The following CD38 variants were observed in gnomAD, a reference collection of about 807,000 sequenced individuals.
The protein encoded by CD38 is ADP-ribosyl cyclase/cyclic ADP-ribose hydrolase 1.
Under a neutral mutation model 36.3 loss-of-function variants are expected in CD38, and 31 were observed. The observed-to-expected ratio is 0.85, with a 90% CI of 0.64 to 1.15. CD38 has a LOEUF of 1.15. Ranked by LOEUF, CD38 falls within the 50% of genes most tolerant of loss-of-function variation. The pLI is 0.00. For synonymous variants in CD38, 131 were observed against 135.2 expected, an observed-to-expected ratio of 0.97 and a Z score of 0.22; for missense variants, 380 against 371.9, an observed-to-expected ratio of 1.02 and a Z score of -0.18.
chr4:15,824,231 C>T (rs1248160170), intron 2 of CD38, among the ~76,000 whole-genome samples: 2 of 152,064 alleles, frequency 1.3e-5, no homozygotes, highest in African/African-American at 4.8e-5. Context: ...TTAATAGGTG[C>T]AGCAAACCCA....
chr4:15,779,032 C>G (rs1375082485), intron 1 of CD38, among the ~76,000 whole-genome samples: 3 of 152,248 alleles, frequency 2.0e-5, no homozygotes, highest in East Asian at 1.9e-4. Flanking sequence ...CTCGCAGATG[C>G]AGGGTGTCGC....
intron 1 of CD38, among the ~76,000 whole-genome samples, chr4:15,785,016 A>G (rs1722781136): frequency 6.6e-6 from 1 of 151,784 alleles, no homozygotes; most frequent in Non-Finnish European, 1.5e-5. Flanking sequence ...AGCTCACGCC[A>G]CTACACTCCA....
chr4:15,783,536 CT>C (rs1048221053), intron 1 of CD38, among the ~76,000 whole-genome samples: 4 of 152,186 alleles, frequency 2.6e-5, no homozygotes, highest in African/African-American at 9.7e-5. Context: ...ATTTTATTCA[CT>C]TCTGCATCTC....
At chr4:15,828,311 C>T (rs72616180) in intron 3 of CD38, among the ~76,000 whole-genome samples, 7,824 of 152,210 alleles carry the variant, frequency 0.051, 293 homozygotes, top group East Asian at 0.18. Flanking sequence ...CCACCAGGCC[C>T]GACCTCAAAT....
At chr4:15,784,197 AC>A (rs1401449883) in intron 1 of CD38, among the ~76,000 whole-genome samples, 6 of 152,246 alleles carry the variant, frequency 3.9e-5, no homozygotes, top group Non-Finnish European at 8.8e-5. Context: ...CCCCTATCAA[AC>A]AAGAAAGACT....
rs1560303825 is a variant in CD38 at position 15,780,532 on chromosome 4, A to ACACACACACACACACACACACG, written c.233+1906_233+1907insGCACACACACACACACACACAC. On this transcript the variant is annotated intron_variant, in intron 1 of 7. Coordinates refer to ENST00000226279, the MANE Select transcript of CD38 (RefSeq NM_001775.4). The stretch of plus-strand genomic sequence containing the variant: ...TATTCTCTCTCTCACACACACACAC[A>ACACACACACACACACACACACG]CACACACACACACACACACACACAC... Among the ~76,000 whole-genome samples the ACACACACACACACACACACACG allele has an allele frequency of 4.8e-3, 696 of 145,732 alleles. 9 individuals are homozygous for ACACACACACACACACACACACG. The highest frequency in any genetic ancestry group is 0.016 in the African/African-American group (622 of 38,220).
At position 15,778,439 on chromosome 4, in the gene CD38, G is replaced by A. The variant is rs757244051; in HGVS notation, c.25G>A (p.Val9Met). The change falls in exon 1 of 8, where the codon GTG (valine) becomes ATG (methionine). Residue 9 changes from valine (V) to methionine (M), a missense_variant. By Grantham distance (21) the Val-to-Met change is conservative (BLOSUM62 1). Transcript: ENST00000226279. The surrounding 1 kb of genome is among the most constrained non-coding windows in gnomAD (Gnocchi z 4.9). The stretch of plus-strand genomic sequence containing the variant: ...TATGGCCAACTGCGAGTTCAGCCCG[G>A]TGTCCGGGGACAAACCCTGCTGCCG... MANCEFSP[V>M]SGDKPCCRLS... is the part of the protein sequence containing the mutation. The A allele has an allele frequency of 3.1e-6, 5 of 1,613,918 alleles. No homozygotes were observed. The highest frequency in any genetic ancestry group is 4.2e-6 in the Non-Finnish European group (5 of 1,179,988).
chr4:15,842,285 C>A (rs1465984166), intron 7 of CD38, among the ~76,000 whole-genome samples: 3 of 136,920 alleles, frequency 2.2e-5, no homozygotes, highest in East Asian at 4.3e-4. Flanking sequence ...GGGAGGCACC[C>A]CCCAGCAGGG....
At chr4:15,810,027 A>C (rs1022033116) in intron 1 of CD38, among the ~76,000 whole-genome samples, 22 of 152,110 alleles carry the variant, frequency 1.4e-4, no homozygotes, top group African/African-American at 5.1e-4. Context: ...CATTTTCTCT[A>C]ATTTGTAGGG....
chr4:15,801,046 C>T (rs1332369277), intron 1 of CD38, among the ~76,000 whole-genome samples: 1 of 151,658 alleles, frequency 6.6e-6, no homozygotes, highest in Non-Finnish European at 1.5e-5. Context: ...CTAAGCATTA[C>T]CTAGACTAAC....
intron 1 of CD38, among the ~76,000 whole-genome samples, chr4:15,782,507 G>A (rs1722721905): frequency 6.6e-6 from 1 of 152,046 alleles, no homozygotes; most frequent in Non-Finnish European, 1.5e-5. Context: ...AGGGACTTTT[G>A]TTTAATGATA....
At chr4:15,790,005 G>T (rs534902387) in intron 1 of CD38, among the ~76,000 whole-genome samples, 1 of 152,134 alleles carries the variant, frequency 6.6e-6, no homozygotes, top group African/African-American at 2.4e-5. Flanking sequence ...TCTTAGCAAA[G>T]ACCTAAAGAA....
At chr4:15,821,525 A>G (rs1252349675) in intron 2 of CD38, among the ~76,000 whole-genome samples, 5 of 151,938 alleles carry the variant, frequency 3.3e-5, no homozygotes, top group Non-Finnish European at 7.4e-5. Context: ...AAATACAAAC[A>G]ACCATCAGAG....
chr4:15,797,444 C>T (rs750154026), intron 1 of CD38, among the ~76,000 whole-genome samples: 2 of 152,200 alleles, frequency 1.3e-5, no homozygotes, highest in East Asian at 1.9e-4. Context: ...TGTCTACTTG[C>T]GCATATGATT....
chr4:15,842,198 C>T (rs1454148320), intron 7 of CD38, among the ~76,000 whole-genome samples: 5 of 109,630 alleles, frequency 4.6e-5, no homozygotes, highest in Admixed American at 8.5e-5. Flanking sequence ...TCTCCCAGCA[C>T]GCAGCTGGAG....
chr4:15,834,513 T>C (rs560013471), intron 4 of CD38, among the ~76,000 whole-genome samples: 5 of 152,214 alleles, frequency 3.3e-5, no homozygotes, highest in Non-Finnish European at 7.3e-5. Flanking sequence ...TGGGCTCCAG[T>C]TGCAGAATCT....
At chr4:15,791,384 C>T (rs1173410821) in intron 1 of CD38, among the ~76,000 whole-genome samples, 1 of 31,482 alleles carries the variant, frequency 3.2e-5, no homozygotes, top group Non-Finnish European at 5.5e-5. Context: ...CCGGCCGCCC[C>T]GTCCGGGAGG....
chr4:15,839,846 A>G (rs887808143), intron 5 of CD38, among the ~76,000 whole-genome samples, 180 bp from the exon 6 acceptor site: 3 of 152,164 alleles, frequency 2.0e-5, no homozygotes, highest in Non-Finnish European at 2.9e-5. Context: ...TTATTTTGAG[A>G]ATCTTGTTAA....
chr4:15,834,100 C>A, intron 3 of CD38, 117 bp from the exon 4 acceptor site: 1 of 667,668 alleles, frequency 1.5e-6, no homozygotes, highest in South Asian at 1.8e-5. Flanking sequence ...CTCCAGCCTC[C>A]GTCTTGGCAG....
Sources: allele counts gnomAD v4.1 joint callset (sites outside exome capture counted in the v4.1 genomes callset), GRCh38; gene constraint gnomAD v4.1.1; non-coding constraint Gnocchi (gnomAD v3.1); transcripts MANE v1.5; gene names NCBI Gene and HGNC (gene_info 2026-07-23, HGNC 2026-07-21).